PCDHA1: variants seen among roughly 807,000 people sequenced by gnomAD.
PCDHA1 encodes the protein protocadherin alpha-1.
PCDHA1 carries 42 observed loss-of-function variants against 61.3 expected under a neutral mutation model. That is an observed-to-expected ratio of 0.69 (90% CI 0.54 to 0.89). PCDHA1 has a LOEUF of 0.89. PCDHA1 is among the 40% of genes least tolerant of loss of function. PCDHA1 has a pLI of 0.00. For missense variants in PCDHA1, 1,256 were observed against 1,235.3 expected (o/e 1.02, Z -0.25); for synonymous variants, 610 against 553.8 (o/e 1.10, Z -1.43).
chr5:140,847,504 T>C (rs1781050995), intron 1 of PCDHA1: 1 of 149,690 alleles, frequency 6.7e-6, no homozygotes. Flanking sequence ...ACAACAAAAC[T>C]TTGTAGAACT....
chr5:140,838,287 T>TTTTC (rs200382821), intron 1 of PCDHA1, among the ~76,000 whole-genome samples: 30 of 150,176 alleles, frequency 2.0e-4, no homozygotes, highest in African/African-American at 7.4e-4. Context: ...CTAATTTTTT[T>TTTTC]TTTTTTTTGT....
chr5:140,870,910 A>G (rs2052532769), intron 1 of PCDHA1: 1 of 1,613,930 alleles, frequency 6.2e-7, no homozygotes, highest in South Asian at 1.1e-5. Context: ...CTCAGGCTAC[A>G]ACGCGTGGCT....
intron 1 of PCDHA1, among the ~76,000 whole-genome samples, chr5:140,831,515 C>T (rs1771580711): frequency 2.3e-5 from 3 of 128,830 alleles, no homozygotes; most frequent in Admixed American, 1.7e-4. Flanking sequence ...CACCATGCCC[C>T]CCACCTTTTT....
intron 1 of PCDHA1, chr5:140,850,366 T>A (rs1226004214): frequency 1.3e-6 from 2 of 1,597,368 alleles, no homozygotes; most frequent in Non-Finnish European, 1.7e-6. Context: ...CCGTTCCGCG[T>A]GGGGCTGTAC....
intron 1 of PCDHA1, chr5:140,883,145 T>C (rs2059462627): frequency 6.2e-7 from 1 of 1,613,988 alleles, no homozygotes; most frequent in Admixed American, 1.7e-5. Context: ...GGTATATGCA[T>C]TTACCATAAA....
chr5:140,866,321 C>A (rs1282592787), intron 1 of PCDHA1: 1 of 152,000 alleles, frequency 6.6e-6, no homozygotes, highest in Non-Finnish European at 1.5e-5. Flanking sequence ...TTTCAGGGAC[C>A]CTGAACTTGG....
At position 140,950,714 on chromosome 5, in the gene PCDHA1, TA is replaced by T. The variant is rs554168605; in HGVS notation, c.2395-28234del. On this transcript the variant is annotated intron_variant, in intron 1 of 3. Coordinates refer to ENST00000504120, the MANE Select transcript of PCDHA1 (RefSeq NM_018900.4). ...AAATTTGACAAATTTTTGTTCCTTA[TA>T]TCCTTAAATTTTTTAATCCTAATTT... Among the ~76,000 whole-genome samples the T allele has an allele frequency of 2.0e-3, 304 of 152,244 alleles. 4 individuals are homozygous for T. The highest frequency in any genetic ancestry group is 6.6e-3 in the African/African-American group (275 of 41,574).
At chr5:140,968,355 G>A in intron 1 of PCDHA1, 1 of 1,614,080 alleles carries the variant, frequency 6.2e-7, no homozygotes, top group South Asian at 1.1e-5. Context: ...GCCAGTGGCA[G>A]CCTTTATGCT....
intron 1 of PCDHA1, among the ~76,000 whole-genome samples, chr5:140,844,878 G>A (rs2150374648): frequency 6.7e-6 from 1 of 149,434 alleles, no homozygotes; most frequent in East Asian, 1.9e-4. Flanking sequence ...ATACCCATTA[G>A]ACTTCGTGCA....
chr5:140,850,619 T>C (rs1327307215), intron 1 of PCDHA1: 1 of 1,598,468 alleles, frequency 6.3e-7, no homozygotes, highest in Non-Finnish European at 8.6e-7. Context: ...GCGCGGTGTC[T>C]AGCCTGTTGG....
chr5:140,960,188 G>A (rs1371016387), intron 1 of PCDHA1, among the ~76,000 whole-genome samples: 7 of 152,132 alleles, frequency 4.6e-5, no homozygotes, highest in Non-Finnish European at 7.4e-5. Flanking sequence ...GGTTGCATGT[G>A]TAGTGGTCAG....
At chr5:140,929,103 G>C (rs1424047708) in intron 1 of PCDHA1, 1 of 1,614,062 alleles carries the variant, frequency 6.2e-7, no homozygotes, top group East Asian at 2.2e-5. Flanking sequence ...ATCCTTGCAT[G>C]ACATCAGCCA....
At position 140,802,874 on chromosome 5, in the gene PCDHA1, C is replaced by T. The variant is rs368728288; in HGVS notation, c.2394+14190C>T. The T allele has an allele frequency of 3.6e-5, 58 of 1,613,728 alleles. No individual in the cohort carries two copies. The East Asian group carries it at 4.7e-4, about 13-fold the overall frequency. On this transcript the variant is annotated intron_variant, in intron 1 of 3. Transcript: ENST00000504120. ...TGCAGGTGTTCGTGCTGGACGAGAA[C>T]GACAACGCGCCGGCACTGCTGATGC...
intron 1 of PCDHA1, chr5:140,849,716 G>A (rs2150446385): frequency 1.3e-6 from 2 of 1,598,596 alleles, no homozygotes; most frequent in Non-Finnish European, 1.7e-6. Flanking sequence ...ACTACTCGTT[G>A]GTGCTGGACA....
At chr5:140,967,355 C>G in intron 1 of PCDHA1, 1 of 1,608,112 alleles carries the variant, frequency 6.2e-7, no homozygotes, top group Non-Finnish European at 8.5e-7. Context: ...CGAGCTGGAC[C>G]TTAAGCCCCT....
In PCDHA1 at chr5:140,913,634, C is replaced by T. The variant is rs145807488; in HGVS notation, c.2395-65315C>T. On this transcript the variant is annotated intron_variant, in intron 1 of 3. Transcript: ENST00000504120. ...TACTAATTTTGGATTCAGTTTGCTG[C>T]TGCTTTTCTAGTTCTTTAAGATGTA... Among the ~76,000 whole-genome samples the T allele has an allele frequency of 8.0e-3, 1,219 of 152,090 alleles. 7 individuals carry two copies. Among genetic ancestry groups the T allele is most frequent in the African/African-American group, 0.019 (785 of 41,506 alleles).
At chr5:140,923,134 G>C (rs962370475) in intron 1 of PCDHA1, among the ~76,000 whole-genome samples, 2 of 152,106 alleles carry the variant, frequency 1.3e-5, no homozygotes, top group Non-Finnish European at 1.5e-5. Flanking sequence ...CACTTTGAAG[G>C]TGGAATATAA....
At chr5:140,939,897 T>G (rs1563176465) in intron 1 of PCDHA1, among the ~76,000 whole-genome samples, 1 of 152,230 alleles carries the variant, frequency 6.6e-6, no homozygotes. Flanking sequence ...TCAAATATTC[T>G]GCATTCTTTT....
In PCDHA1 at chr5:140,982,474, G is replaced by C. The variant is rs2096985354; in HGVS notation, c.2454-1G>C. On this transcript the variant is annotated splice_acceptor_variant, in intron 2 of 3. Coordinates refer to ENST00000504120, the MANE Select transcript of PCDHA1 (RefSeq NM_018900.4). LOFTEE classifies it high-confidence loss of function. ...TTATCTGGGTCTGTGTGTTTATTCA[G>C]CTCTGTGCACCTAGAGGAGGCTGGC... 3 of 1,614,164 alleles carry C rather than the reference G, an allele frequency of 1.9e-6. No individual in the cohort carries two copies. The highest frequency in any genetic ancestry group is 2.5e-6 in the Non-Finnish European group (3 of 1,180,024).
Sources: allele counts gnomAD v4.1 joint callset (sites outside exome capture counted in the v4.1 genomes callset), GRCh38; gene constraint gnomAD v4.1.1; transcripts MANE v1.5; gene names NCBI Gene and HGNC (gene_info 2026-07-23, HGNC 2026-07-21).